Variants in FBLN7 observed in about 807,000 individuals in gnomAD.
The protein encoded by FBLN7 is fibulin 7, also known as fibulin-7.
FBLN7 carries 31 observed loss-of-function variants against 44.0 expected under a neutral mutation model. The observed-to-expected ratio is 0.70, with a 90% confidence interval of 0.53 to 0.95. The LOEUF is 0.95. Ranked by LOEUF, FBLN7 falls within the 40% of genes least tolerant of loss-of-function variation. The pLI, the probability that FBLN7 is intolerant of heterozygous loss-of-function variation, is 0.00. For synonymous variants in FBLN7, 262 were observed against 253.4 expected (o/e 1.03, Z -0.32); for missense variants, 573 against 618.5 (o/e 0.93, Z 0.78).
the FBLN7 span, among the ~76,000 whole-genome samples, chr2:112,227,167 T>G: frequency 6.6e-6 from 1 of 152,204 alleles, no homozygotes; most frequent in African/African-American, 2.4e-5. Context: ...TATTTAACCT[T>G]GTATAGAAGG....
chr2:112,190,193 G>A (rs1683440673), downstream of FBLN7: 1 of 152,086 alleles, frequency 6.6e-6, no homozygotes, highest in South Asian at 2.1e-4. Flanking sequence ...ATTTATTTAG[G>A]CAAGACTACT....
At chr2:112,178,612 T>G (rs1402797078) in intron 4 of FBLN7, among the ~76,000 whole-genome samples, 2 of 152,102 alleles carry the variant, frequency 1.3e-5, no homozygotes, top group Non-Finnish European at 2.9e-5. Flanking sequence ...AACAAAATAC[T>G]TGCAAACCAA....
the FBLN7 span, chr2:112,216,205 TCA>T: frequency 6.6e-6 from 1 of 152,258 alleles, no homozygotes; most frequent in Non-Finnish European, 1.5e-5. Context: ...CAATTTACTA[TCA>T]CATTTACCCA....
chr2:112,234,092 G>A, the FBLN7 span: 1 of 1,285,918 alleles, frequency 7.8e-7, no homozygotes, highest in Non-Finnish European at 1.1e-6. Flanking sequence ...TTACATTTTA[G>A]TAGATTTTTG....
downstream of FBLN7, among the ~76,000 whole-genome samples, chr2:112,191,813 T>G (rs1432302301): frequency 6.6e-6 from 1 of 152,206 alleles, no homozygotes; most frequent in East Asian, 1.9e-4. Flanking sequence ...TTTTAGAGAT[T>G]GCTTTTTAAT....
At chr2:112,233,229 TAA>T in the FBLN7 span, 11 of 1,422,936 alleles carry the variant, frequency 7.7e-6, no homozygotes, top group East Asian at 2.4e-4. Context: ...TAAATATTTA[TAA>T]AGTCACCATA....
the FBLN7 span, among the ~76,000 whole-genome samples, chr2:112,233,678 T>C: frequency 1.3e-5 from 2 of 152,194 alleles, no homozygotes; most frequent in South Asian, 4.1e-4. Flanking sequence ...CCATCCTGGC[T>C]AACACGGTGA....
At chr2:112,170,074 C>T (rs1052509459) in intron 3 of FBLN7, among the ~76,000 whole-genome samples, 3 of 150,084 alleles carry the variant, frequency 2.0e-5, no homozygotes, top group Non-Finnish European at 4.4e-5. Flanking sequence ...AACCCCGTCT[C>T]TAATAAAAAT....
intron 1 of FBLN7, among the ~76,000 whole-genome samples, chr2:112,153,469 T>C (rs1288372847): frequency 2.0e-5 from 3 of 152,152 alleles, no homozygotes; most frequent in African/African-American, 4.8e-5. Context: ...ACCAAGACTG[T>C]CACTGTGAGG....
chr2:112,182,421 G>A (rs1558895229), intron 5 of FBLN7, among the ~76,000 whole-genome samples: 1 of 152,224 alleles, frequency 6.6e-6, no homozygotes, highest in Non-Finnish European at 1.5e-5. Flanking sequence ...GATTCCCAAA[G>A]ATAAAGAGAG....
the FBLN7 span, among the ~76,000 whole-genome samples, chr2:112,227,030 A>C: frequency 6.6e-6 from 1 of 152,220 alleles, no homozygotes; most frequent in Non-Finnish European, 1.5e-5. Flanking sequence ...AAAAACTAGA[A>C]ATAGGAGAGA....
At chr2:112,234,973 TATC>T in the FBLN7 span, among the ~76,000 whole-genome samples, 1 of 152,086 alleles carries the variant, frequency 6.6e-6, no homozygotes, top group African/African-American at 2.4e-5. Context: ...TGAGCACACT[TATC>T]AGCTCAAATT....
At chr2:112,163,175 G>A (rs900166035) in intron 2 of FBLN7, among the ~76,000 whole-genome samples, 2 of 152,190 alleles carry the variant, frequency 1.3e-5, no homozygotes, top group African/African-American at 4.8e-5. Flanking sequence ...GCTCCTCAAA[G>A]AACCCTAGGT....
the FBLN7 span, among the ~76,000 whole-genome samples, chr2:112,194,593 T>TC: frequency 1.3e-5 from 2 of 152,230 alleles, no homozygotes; most frequent in Admixed American, 6.5e-5. Context: ...GTCAAAGTAG[T>TC]CACAAGAAGC....
At chr2:112,235,464 T>C in the FBLN7 span, among the ~76,000 whole-genome samples, 1 of 152,180 alleles carries the variant, frequency 6.6e-6, no homozygotes, top group Non-Finnish European at 1.5e-5. Context: ...TGTGTGACTA[T>C]GGGTAATTAC....
rs1682787390 is a variant in FBLN7 at position 112,177,423 on chromosome 2, C to A, written c.532+1584C>A. 2 of 152,484 alleles carry A rather than the reference C, an allele frequency of 1.3e-5. 1 individual carries two copies. Among genetic ancestry groups the A allele is most frequent in the South Asian group, 4.1e-4 (2 of 4,828 alleles). 9.4% of individuals were successfully genotyped at this position (152,484 alleles called of 1,614,324 possible). On this transcript the variant is annotated intron_variant, in intron 4 of 7. Transcript: ENST00000331203. ...GCTCTTGCTCACCTTGTCCCTCAGC[C>A]TGACACCTTCCTTCCCATCAGCTGG...
the FBLN7 span, among the ~76,000 whole-genome samples, chr2:112,219,863 T>TA: frequency 1.3e-5 from 2 of 152,118 alleles, no homozygotes; most frequent in African/African-American, 4.8e-5. Context: ...GTGAGTGGAG[T>TA]GTTTAATGTC....
intron 1 of FBLN7, among the ~76,000 whole-genome samples, chr2:112,149,484 A>G (rs1048360137): frequency 6.6e-6 from 1 of 151,986 alleles, no homozygotes; most frequent in African/African-American, 2.4e-5. Context: ...CTCCCTCCAT[A>G]TGCTGGCTCA....
chr2:112,182,702 C>T, intron 5 of FBLN7, 89 bp from the exon 6 acceptor site: 1 of 1,477,580 alleles, frequency 6.8e-7, no homozygotes. Flanking sequence ...GCCACTGCCT[C>T]CAGGAATTGA....
Sources: allele counts gnomAD v4.1 joint callset (sites outside exome capture counted in the v4.1 genomes callset), GRCh38; gene constraint gnomAD v4.1.1; transcripts MANE v1.5; gene names NCBI Gene and HGNC (gene_info 2026-07-23, HGNC 2026-07-21).